The following OR7C1 variants were observed in gnomAD, a reference collection of about 807,000 sequenced individuals.
The protein encoded by OR7C1 is olfactory receptor 7C1.
For synonymous variants in OR7C1, 152 were observed against 160.7 expected, an observed-to-expected ratio of 0.95 and a Z score of 0.41; for missense variants, 324 against 383.3, an observed-to-expected ratio of 0.85 and a Z score of 1.29.
intron 1 of OR7C1, among the ~76,000 whole-genome samples, chr19:14,819,809 C>T (rs1394938302): frequency 6.6e-6 from 1 of 152,094 alleles, no homozygotes; most frequent in African/African-American, 2.4e-5. Flanking sequence ...CTTTCATTTC[C>T]AAGTTTTTGT....
chr19:14,807,547 A>G (rs2044671353), intron 2 of OR7C1, among the ~76,000 whole-genome samples: 6 of 151,898 alleles, frequency 4.0e-5, no homozygotes, highest in Admixed American at 2.0e-4. Context: ...AAAACAACAC[A>G]TTAAAGATGG....
chr19:14,827,515 A>G (rs754962897), intron 1 of OR7C1: 1 of 1,614,042 alleles, frequency 6.2e-7, no homozygotes, highest in African/African-American at 1.3e-5. Flanking sequence ...GAGAGGTGAG[A>G]TGCACAGGTG....
At chr19:14,814,476 T>C (rs1033021536) in intron 1 of OR7C1, among the ~76,000 whole-genome samples, 2 of 151,980 alleles carry the variant, frequency 1.3e-5, no homozygotes, top group Admixed American at 1.3e-4. Context: ...CAGGCTGGAG[T>C]GCAATGGTGC....
At chr19:14,823,172 G>A (rs1312999678) in intron 1 of OR7C1, among the ~76,000 whole-genome samples, 1 of 152,172 alleles carries the variant, frequency 6.6e-6, no homozygotes, top group Non-Finnish European at 1.5e-5. Context: ...GCGTAAATTG[G>A]TTGGGTGCAG....
rs73926682 is a variant in OR7C1 at position 14,798,995 on chromosome 19, C to T, written c.*179G>A. ...GATTTTGAGGGCTGCTTTTTGTTAA[C>T]GGGGAAACCTTGCCAAGGACTCTGT... On this transcript the variant is annotated 3_prime_UTR_variant, in exon 5 of 5. Coordinates refer to ENST00000641666, the Ensembl canonical transcript of OR7C1. 4.0e-3 allele frequency: 2,597 copies of T among 644,330 alleles called. 54 individuals carry two copies. The African/African-American group carries it at 0.041, about 10-fold the overall frequency. The allele number at this position is 644,330 out of a possible 1,614,324, so 39.9% of individuals were successfully genotyped here. A position where few individuals can be genotyped will look rare whatever the true frequency, so the allele number is the denominator to read the frequency against.
At chr19:14,807,895 C>CA (rs371693293) in intron 2 of OR7C1, among the ~76,000 whole-genome samples, 21,048 of 136,002 alleles carry the variant, frequency 0.15, 1,601 homozygotes, top group African/African-American at 0.17. Context: ...GACTCAGTCT[C>CA]AAAAAAAAAA....
chr19:14,831,879 G>A (rs2335225), intron 1 of OR7C1, among the ~76,000 whole-genome samples: 73,696 of 151,850 alleles, frequency 0.49, 18,735 homozygotes, highest in East Asian at 0.84. Flanking sequence ...TTTTGCACAC[G>A]TCATGACTAT....
intron 2 of OR7C1, among the ~76,000 whole-genome samples, chr19:14,807,488 C>T (rs1439915980): frequency 1.3e-5 from 2 of 151,840 alleles, no homozygotes; most frequent in Non-Finnish European, 2.9e-5. Context: ...CTCTTTCTTG[C>T]CTGGGATTTG....
intron 1 of OR7C1, among the ~76,000 whole-genome samples, chr19:14,832,531 A>G (rs1448583398): frequency 2.0e-5 from 3 of 150,780 alleles, no homozygotes; most frequent in Admixed American, 2.0e-4. Context: ...GGTTCAAGCG[A>G]TTCTCCTGCC....
intron 1 of OR7C1, among the ~76,000 whole-genome samples, chr19:14,833,698 G>A (rs10406749): frequency 0.48 from 73,691 of 151,952 alleles, 18,733 homozygotes; most frequent in East Asian, 0.84. Context: ...GCTGGTAACT[G>A]TATAAAAATG....
chr19:14,808,777 A>T (rs2044677630), intron 2 of OR7C1, among the ~76,000 whole-genome samples: 1 of 151,962 alleles, frequency 6.6e-6, no homozygotes, highest in Non-Finnish European at 1.5e-5. Context: ...TGTAAAATAA[A>T]AGTTTTTCCA....
At chr19:14,818,062 T>TTTATTTA (rs1555695177) in intron 1 of OR7C1, among the ~76,000 whole-genome samples, 9,373 of 139,360 alleles carry the variant, frequency 0.067, 319 homozygotes, top group Middle Eastern at 0.11. Flanking sequence ...ATTTTATTTA[T>TTTATTTA]TTTATTTATT....
intron 1 of OR7C1, among the ~76,000 whole-genome samples, chr19:14,812,252 C>A (rs562184959): frequency 1.3e-5 from 2 of 152,246 alleles, no homozygotes; most frequent in East Asian, 3.9e-4. Flanking sequence ...AAGAGAGAGA[C>A]CCTCTCATAT....
intron 1 of OR7C1, among the ~76,000 whole-genome samples, chr19:14,811,711 T>C (rs943573049): frequency 1.2e-4 from 19 of 152,032 alleles, no homozygotes; most frequent in African/African-American, 3.9e-4. Flanking sequence ...TAGATTCAGA[T>C]ACAGGGAGCT....
chr19:14,832,980 G>A (rs1375496160), intron 1 of OR7C1, among the ~76,000 whole-genome samples: 1 of 152,178 alleles, frequency 6.6e-6, no homozygotes, highest in Non-Finnish European at 1.5e-5. Context: ...CTTGCACAGA[G>A]CAGATGCTCA....
At chr19:14,805,302 C>T (rs1286402685) in intron 2 of OR7C1, among the ~76,000 whole-genome samples, 2 of 151,490 alleles carry the variant, frequency 1.3e-5, no homozygotes, top group African/African-American at 4.9e-5. Flanking sequence ...TGATTCAAGG[C>T]TCATTGAGAC....
rs2044680919 is a variant in OR7C1, at chr19:14,809,462, CAGATTGAAAGCAAGAAGAAACAG to C, written c.-435+321_-435+343del. Among the ~76,000 whole-genome samples the C allele has an allele frequency of 2.0e-5, 3 of 150,960 alleles. No homozygotes were observed. The South Asian group carries it at 6.3e-4, about 32-fold the overall frequency. On this transcript the variant is annotated intron_variant, in intron 2 of 4. Transcript: ENST00000641666. Reference sequence around the variant, plus strand: ...AGAAACAGTAATGGAGAGCAAGAAACAGATTGAAAGCAAGAAGAAACAGAGATTGAAAGCAAGAAGAAACATAG... The same window carrying C: ...AGAAACAGTAATGGAGAGCAAGAAACAGATTGAAAGCAAGAAGAAACATAG...
At chr19:14,831,182 C>T (rs2044828520) in intron 1 of OR7C1, among the ~76,000 whole-genome samples, 2 of 152,112 alleles carry the variant, frequency 1.3e-5, no homozygotes, top group African/African-American at 4.8e-5. Flanking sequence ...ACTAATGATA[C>T]CTTTTTTGGC....
chr19:14,823,133 G>C (rs372898046), intron 1 of OR7C1, among the ~76,000 whole-genome samples: 58 of 152,224 alleles, frequency 3.8e-4, no homozygotes, highest in African/African-American at 1.1e-3. Context: ...ATAGCTTCAG[G>C]TGTTATCCTT....
Sources: allele counts gnomAD v4.1 joint callset (sites outside exome capture counted in the v4.1 genomes callset), GRCh38; gene constraint gnomAD v4.1.1; transcripts MANE v1.5; gene names NCBI Gene and HGNC (gene_info 2026-07-23, HGNC 2026-07-21).